BAZ2B: variants seen among roughly 807,000 people sequenced by gnomAD.
BAZ2B encodes bromodomain adjacent to zinc finger domain protein 2B.
In BAZ2B, 91 loss-of-function variants were observed where a neutral mutation model predicts 246.0. The observed-to-expected ratio is 0.37, with a 90% CI of 0.31 to 0.44. BAZ2B has a LOEUF of 0.44. Among genes scored for constraint, BAZ2B ranks in the 20% least tolerant of loss-of-function variants. The pLI is 1.00. For synonymous variants in BAZ2B, 855 were observed against 860.0 expected (o/e 0.99, Z 0.10); for missense variants, 2,332 against 2,533.7 (o/e 0.92, Z 1.71).
At chr2:159,485,267 A>C (rs115706393) in intron 2 of BAZ2B, among the ~76,000 whole-genome samples, 2 of 152,162 alleles carry the variant, frequency 1.3e-5, no homozygotes, top group Non-Finnish European at 2.9e-5. Context: ...ACAAATGAAA[A>C]ATCTTCTGTT....
chr2:159,370,116 A>G (rs2060660593), intron 27 of BAZ2B, among the ~76,000 whole-genome samples: 1 of 152,146 alleles, frequency 6.6e-6, no homozygotes, highest in South Asian at 2.1e-4. Context: ...TGGGAATTGA[A>G]CAATGAGAAC....
chr2:159,447,013 A>C (rs376017397), intron 5 of BAZ2B, 38 bp from the exon 6 acceptor site: 5 of 1,389,146 alleles, frequency 3.6e-6, no homozygotes, highest in Non-Finnish European at 4.8e-6. Flanking sequence ...ACAATGGAAT[A>C]TTATTGCATC....
At chr2:159,500,952 TC>T (rs1347855759) in intron 2 of BAZ2B, among the ~76,000 whole-genome samples, 1 of 140,732 alleles carries the variant, frequency 7.1e-6, no homozygotes. Context: ...AGACTCTGTC[TC>T]AAAAAAAAAA....
intron 27 of BAZ2B, among the ~76,000 whole-genome samples, chr2:159,359,802 C>G (rs113564813): frequency 0.024 from 3,583 of 152,210 alleles, 84 homozygotes; most frequent in Non-Finnish European, 0.04. Flanking sequence ...TGTTTCAACA[C>G]ATGGAAATCA....
chr2:159,669,739 T>C, the BAZ2B span, among the ~76,000 whole-genome samples: 3,210 of 152,264 alleles, frequency 0.021, 119 homozygotes, highest in African/African-American at 0.073. Flanking sequence ...TATAGTTTTG[T>C]CTATTCATTT....
chr2:159,672,582 T>A, the BAZ2B span, among the ~76,000 whole-genome samples: 1 of 152,144 alleles, frequency 6.6e-6, no homozygotes, highest in Admixed American at 6.5e-5. Context: ...GAGTGAAGGT[T>A]TTTCCAGGTA....
At chr2:159,453,448 T>A (rs937760777) in intron 4 of BAZ2B, among the ~76,000 whole-genome samples, 165 bp downstream of exon 4, 1 of 152,188 alleles carries the variant, frequency 6.6e-6, no homozygotes, top group Non-Finnish European at 1.5e-5. Context: ...ACACTTAGGG[T>A]GTTTAATTTT....
rs540721595 is a variant in BAZ2B at position 159,341,466 on chromosome 2, A to C, written c.5455-3694T>G. Among the ~76,000 whole-genome samples the C allele has an allele frequency of 2.0e-4, 31 of 152,316 alleles. No homozygotes were observed. The East Asian group carries it at 6.0e-3, about 29-fold the overall frequency. ...TTCAACATCCCACTGTCAGCATTGG[A>C]CAGATTTTCTAGACAGAAAATCAAC... On this transcript the variant is annotated intron_variant, in intron 31 of 36. Transcript: ENST00000392783.
the BAZ2B span, among the ~76,000 whole-genome samples, chr2:159,692,127 G>A: frequency 6.6e-6 from 1 of 151,882 alleles, no homozygotes; most frequent in East Asian, 1.9e-4. Flanking sequence ...TATATTTCAT[G>A]CATTCATGAT....
At chr2:159,661,560 C>T in the BAZ2B span, among the ~76,000 whole-genome samples, 1 of 152,134 alleles carries the variant, frequency 6.6e-6, no homozygotes, top group Non-Finnish European at 1.5e-5. Context: ...TATATTCCCA[C>T]ACATAGGGTT....
chr2:159,326,194 A>T (rs954948364), intron 34 of BAZ2B, among the ~76,000 whole-genome samples: 2 of 152,198 alleles, frequency 1.3e-5, no homozygotes, highest in Non-Finnish European at 1.5e-5. Context: ...AGGTGTCTGT[A>T]GTATTCTTTC....
intron 27 of BAZ2B, among the ~76,000 whole-genome samples, chr2:159,366,844 C>G (rs1252758629): frequency 6.6e-6 from 1 of 152,128 alleles, no homozygotes; most frequent in African/African-American, 2.4e-5. Context: ...ACACTGAAGG[C>G]ACCATTTAAA....
chr2:159,382,439 A>C lies in BAZ2B; in HGVS notation c.4005+120T>G, dbSNP rs151153712. On this transcript the variant is annotated intron_variant, in intron 25 of 36. Transcript: ENST00000392783. ...GTAATATTTGTTTTTCAGATGAGGA[A>C]ACTGAGGCAAGTAAATGTCAAAACT... 23 of 1,082,704 alleles carry C rather than the reference A, an allele frequency of 2.1e-5. No homozygotes were observed. The East Asian group carries it at 5.7e-4, about 27-fold the overall frequency. The allele number at this position is 1,082,704 out of a possible 1,614,324, so 67.1% of individuals were successfully genotyped here.
intron 2 of BAZ2B, among the ~76,000 whole-genome samples, chr2:159,548,519 T>G (rs1292497413): frequency 6.6e-6 from 1 of 152,220 alleles, no homozygotes; most frequent in East Asian, 1.9e-4. Context: ...TGATATATCT[T>G]TTAAAATTGT....
chr2:159,666,202 A>C, the BAZ2B span, among the ~76,000 whole-genome samples: 1 of 151,252 alleles, frequency 6.6e-6, no homozygotes, highest in South Asian at 2.1e-4. Flanking sequence ...AAAGAGCAAA[A>C]GTTTTAAATT....
intron 1 of BAZ2B, among the ~76,000 whole-genome samples, chr2:159,579,278 C>T (rs1025017647): frequency 6.6e-6 from 1 of 152,180 alleles, no homozygotes; most frequent in Non-Finnish European, 1.5e-5. Context: ...AAACTACCAT[C>T]AGAGAATACT....
chr2:159,565,684 A>G (rs1467857406), intron 1 of BAZ2B, among the ~76,000 whole-genome samples: 1 of 151,626 alleles, frequency 6.6e-6, no homozygotes, highest in African/African-American at 2.4e-5. Context: ...GGCTGAGGCA[A>G]GAGAATCGCT....
chr2:159,538,733 C>A (rs2086305353), intron 2 of BAZ2B, among the ~76,000 whole-genome samples: 1 of 152,146 alleles, frequency 6.6e-6, no homozygotes, highest in Non-Finnish European at 1.5e-5. Context: ...CAGCCCAATA[C>A]TCAAAAAACA....
intron 1 of BAZ2B, among the ~76,000 whole-genome samples, chr2:159,580,601 T>C (rs564425828): frequency 6.6e-6 from 1 of 152,328 alleles, no homozygotes; most frequent in East Asian, 1.9e-4. Context: ...AGAGCTCGCG[T>C]TGCCAAGACA....
Sources: allele counts gnomAD v4.1 joint callset (sites outside exome capture counted in the v4.1 genomes callset), GRCh38; gene constraint gnomAD v4.1.1; transcripts MANE v1.5; gene names NCBI Gene and HGNC (gene_info 2026-07-23, HGNC 2026-07-21).